Variants in STRN observed in about 807,000 individuals in gnomAD.
STRN encodes the protein protein phosphatase 2 regulatory subunit B'''alpha.
Under a neutral mutation model 96.3 loss-of-function variants are expected in STRN, and 53 were observed. The ratio of observed to expected loss-of-function variants is 0.55; its 90% confidence interval spans 0.44 to 0.69. The LOEUF (loss-of-function observed/expected upper bound fraction) is 0.69, where lower values mean the gene tolerates loss of function less well. Ranked by LOEUF, STRN falls within the 30% of genes least tolerant of loss-of-function variation. The pLI, the probability that STRN is intolerant of heterozygous loss-of-function variation, is 0.00. For missense variants in STRN, 987 were observed against 963.9 expected (o/e 1.02, Z -0.32); for synonymous variants, 428 against 355.9 (o/e 1.20, Z -2.28).
At chr2:36,886,861 C>G in intron 7 of STRN, 35 bp from the exon 8 acceptor site, 3 of 1,552,194 alleles carry the variant, frequency 1.9e-6, no homozygotes, top group Non-Finnish European at 2.6e-6. Context: ...CAGCCTTTTT[C>G]AATAAAATAT....
At chr2:36,903,436 A>T (rs964278720) in intron 4 of STRN, among the ~76,000 whole-genome samples, 1 of 152,228 alleles carries the variant, frequency 6.6e-6, no homozygotes, top group African/African-American at 2.4e-5. Context: ...CCTTTAAAAC[A>T]GACACACCTA....
At chr2:36,941,101 C>T (rs957656218) in intron 1 of STRN, among the ~76,000 whole-genome samples, 3 of 152,160 alleles carry the variant, frequency 2.0e-5, no homozygotes, top group Admixed American at 6.5e-5. Context: ...GCTGCAGTAA[C>T]CAGTTGATCC....
At chr2:36,940,598 C>T (rs953358043) in intron 1 of STRN, among the ~76,000 whole-genome samples, 2 of 151,808 alleles carry the variant, frequency 1.3e-5, no homozygotes, top group Admixed American at 6.6e-5. Flanking sequence ...GAAGCCGAAG[C>T]GGATGCATCA....
At chr2:36,919,490 AACAC>A (rs1276677227) in intron 2 of STRN, among the ~76,000 whole-genome samples, 5 of 152,148 alleles carry the variant, frequency 3.3e-5, no homozygotes, top group African/African-American at 1.2e-4. Flanking sequence ...AGAAAAAAAA[AACAC>A]ACACAGTGGG....
chr2:36,866,627 G>C (rs1668635967), intron 12 of STRN, among the ~76,000 whole-genome samples: 1 of 152,046 alleles, frequency 6.6e-6, no homozygotes, highest in Admixed American at 6.5e-5. Flanking sequence ...ACATCAGTGG[G>C]GTGTTAAAGT....
chr2:36,941,267 A>G (rs1670838690), intron 1 of STRN, among the ~76,000 whole-genome samples: 1 of 152,212 alleles, frequency 6.6e-6, no homozygotes, highest in Admixed American at 6.5e-5. Context: ...TGGCAATGCA[A>G]ATTAGTTCAA....
intron 13 of STRN, among the ~76,000 whole-genome samples, chr2:36,858,336 C>A (rs1668401154): frequency 6.6e-6 from 1 of 152,256 alleles, no homozygotes; most frequent in South Asian, 2.1e-4. Flanking sequence ...GATACGAAAT[C>A]ATTTGAATTT....
intron 7 of STRN, 21 bp from the exon 8 acceptor site, chr2:36,886,847 G>GA (rs1669244112): frequency 6.3e-7 from 1 of 1,584,028 alleles, no homozygotes; most frequent in Non-Finnish European, 8.6e-7. Context: ...TGAAACAAAT[G>GA]AAACAGCCTT....
intron 3 of STRN, 54 bp from the exon 4 acceptor site, chr2:36,905,672 T>A: frequency 1.4e-6 from 2 of 1,425,080 alleles, no homozygotes; most frequent in Non-Finnish European, 9.9e-7. Context: ...TTAGAGGGCA[T>A]CTTAATTCAT....
chr2:36,958,461 C>T (rs185285364), intron 1 of STRN, among the ~76,000 whole-genome samples: 1 of 152,236 alleles, frequency 6.6e-6, no homozygotes, highest in Non-Finnish European at 1.5e-5. Context: ...TAAGAAATGA[C>T]CGAGCAGATT....
chr2:36,933,491 T>C (rs1056936477), intron 1 of STRN, among the ~76,000 whole-genome samples: 1 of 152,214 alleles, frequency 6.6e-6, no homozygotes, highest in African/African-American at 2.4e-5. Flanking sequence ...GACAGTATGA[T>C]ATTCATAGAT....
At chr2:36,879,403 T>G (rs1466614290) in intron 9 of STRN, among the ~76,000 whole-genome samples, 1 of 152,184 alleles carries the variant, frequency 6.6e-6, no homozygotes, top group Non-Finnish European at 1.5e-5. Context: ...TTGAACACTT[T>G]CATTAGCTGT....
At chr2:36,957,180 G>A (rs1664908561) in intron 1 of STRN, among the ~76,000 whole-genome samples, 1 of 152,202 alleles carries the variant, frequency 6.6e-6, no homozygotes, top group African/African-American at 2.4e-5. Context: ...GATCCCTAAA[G>A]GGCTTATGTC....
In STRN at chr2:36,869,726, C is replaced by A; in HGVS notation, c.1327G>T (p.Ala443Ser). 6.3e-7 allele frequency: 1 copy of A among 1,593,858 alleles called. No homozygotes were observed. Residue 443 changes from alanine to serine, a missense_variant, in exon 11 of 18, where the codon GCA (alanine) becomes TCA (serine). Coordinates refer to ENST00000263918, the MANE Select transcript of STRN (RefSeq NM_003162.4). ...TTCCTCAATGCATCTTTATTGTTTG[C>A]TATCTATTAAAGAAACAAAACAAAG... is the stretch of plus-strand genomic sequence containing the variant. ...NEADSLTYDI[A>S]NNKDALRKTW... is the part of the protein sequence containing the mutation.
intron 1 of STRN, among the ~76,000 whole-genome samples, chr2:36,957,257 G>C (rs1171195344): frequency 1.3e-5 from 2 of 152,154 alleles, no homozygotes; most frequent in African/African-American, 2.4e-5. Flanking sequence ...ATTCACATCA[G>C]CTGGGTGGCC....
chr2:36,850,906 T>G (rs1166751763), intron 16 of STRN, 94 bp downstream of exon 16: 3 of 933,912 alleles, frequency 3.2e-6, no homozygotes, highest in Admixed American at 2.7e-5. Flanking sequence ...ATTCCCTGAC[T>G]ACGAAACCAC....
Position 36,848,647 on chromosome 2 carries a change from G to C in STRN, c.*809C>G, listed in dbSNP as rs558647620. 11 of 152,216 alleles carry C rather than the reference G, an allele frequency of 7.2e-5. No homozygotes were observed. The highest frequency in any genetic ancestry group is 2.6e-4 in the African/African-American group (11 of 41,558). The allele number at this position is 152,216 out of a possible 1,614,324, so 9.4% of individuals were successfully genotyped here. On this transcript the variant is annotated 3_prime_UTR_variant, in exon 18 of 18. Coordinates refer to ENST00000263918, the MANE Select transcript of STRN (RefSeq NM_003162.4). Reference sequence around the variant, plus strand: ...AGAAATTATTAAAGAGATATGCCCTGTTTACCCTTAAAAATAAACAGAATT... The same window carrying C: ...AGAAATTATTAAAGAGATATGCCCTCTTTACCCTTAAAAATAAACAGAATT...
At chr2:36,935,474 A>C (rs1463707434) in intron 1 of STRN, among the ~76,000 whole-genome samples, 2 of 152,210 alleles carry the variant, frequency 1.3e-5, no homozygotes, top group Non-Finnish European at 2.9e-5. Context: ...TTTAATTAGG[A>C]CTATGACATA....
At chr2:36,894,285 C>A (rs896762192) in intron 6 of STRN, among the ~76,000 whole-genome samples, 3 of 152,134 alleles carry the variant, frequency 2.0e-5, no homozygotes, top group Admixed American at 6.5e-5. Context: ...AAATATAAGA[C>A]ATGTACTGAA....
Sources: allele counts gnomAD v4.1 joint callset (sites outside exome capture counted in the v4.1 genomes callset), GRCh38; gene constraint gnomAD v4.1.1; transcripts MANE v1.5; gene names NCBI Gene and HGNC (gene_info 2026-07-23, HGNC 2026-07-21).